ANO3: variants seen among roughly 807,000 people sequenced by gnomAD.
The protein encoded by ANO3 is anoctamin 3, also known as anoctamin-3.
ANO3 carries 99 observed loss-of-function variants against 144.8 expected under a neutral mutation model. That is an observed-to-expected ratio of 0.68 (90% CI 0.58 to 0.81). ANO3 has a LOEUF of 0.81. Among genes scored for constraint, ANO3 ranks in the 30% least tolerant of loss-of-function variants. The pLI is 0.00. For synonymous variants in ANO3, 414 were observed against 392.6 expected, an observed-to-expected ratio of 1.05 and a Z score of -0.64; for missense variants, 905 against 1,202.2, an observed-to-expected ratio of 0.75 and a Z score of 3.66.
intron 15 of ANO3, 113 bp downstream of exon 15, chr11:26,598,560 G>T: frequency 1.4e-6 from 1 of 714,794 alleles, no homozygotes; most frequent in Non-Finnish European, 2.3e-6. Context: ...TTTTTCCCTT[G>T]ATCTTTCCTA....
intron 1 of ANO3, among the ~76,000 whole-genome samples, chr11:26,294,445 T>G (rs1042723235): frequency 2.0e-5 from 3 of 151,212 alleles, no homozygotes; most frequent in Non-Finnish European, 4.4e-5. Flanking sequence ...ATGTTTATCA[T>G]GTATTACATG....
chr11:26,651,765 G>C (rs1223386019), intron 24 of ANO3, among the ~76,000 whole-genome samples: 1 of 152,014 alleles, frequency 6.6e-6, no homozygotes, highest in Non-Finnish European at 1.5e-5. Flanking sequence ...AAATGCAAAG[G>C]GGTTCTGAGG....
At chr11:26,634,924 A>T in intron 19 of ANO3, 89 bp from the exon 20 acceptor site, 1 of 1,029,366 alleles carries the variant, frequency 9.7e-7, no homozygotes, top group Non-Finnish European at 1.5e-6. Context: ...GTTTATGTCT[A>T]CCCACACATG....
chr11:26,204,109 G>T (rs1351263097), intron 1 of ANO3, among the ~76,000 whole-genome samples: 1 of 151,900 alleles, frequency 6.6e-6, no homozygotes, highest in African/African-American at 2.4e-5. Flanking sequence ...GTGTTTTCTG[G>T]AGACTTTCCC....
At position 26,280,991 on chromosome 11, in the gene ANO3, A is replaced by T. The variant is rs577527729; in HGVS notation, c.155-28654A>T. 1.1e-4 allele frequency among the ~76,000 whole-genome samples: 17 copies of T among 152,252 alleles called. No individual in the cohort carries two copies. In the East Asian group the frequency reaches 1.7e-3, roughly 16 times the overall value. On this transcript the variant is annotated intron_variant, in intron 1 of 27. Coordinates refer to the ANO3 transcript ENST00000672621. ...GCCAAAATCAGTAAGAACATGAATA[A>T]TATCTGTCTCTATCATTGTTTTATC...
At chr11:26,374,744 TTTTTG>T (rs983482704) in intron 1 of ANO3, among the ~76,000 whole-genome samples, 1 of 152,176 alleles carries the variant, frequency 6.6e-6, no homozygotes, top group Non-Finnish European at 1.5e-5. Flanking sequence ...GTGCACTTTC[TTTTTG>T]TTTTGTTTTG....
At chr11:26,332,914 C>A (rs1440093035) in intron 1 of ANO3, among the ~76,000 whole-genome samples, 1 of 152,072 alleles carries the variant, frequency 6.6e-6, no homozygotes, top group Non-Finnish European at 1.5e-5. Flanking sequence ...CGTATTATGT[C>A]TTTTAGTTTC....
intron 1 of ANO3, among the ~76,000 whole-genome samples, chr11:26,315,092 G>A (rs914150791): frequency 7.3e-6 from 1 of 136,688 alleles, no homozygotes; most frequent in Non-Finnish European, 1.7e-5. Flanking sequence ...TCTATATTAT[G>A]TATATTCTCA....
intron 1 of ANO3, among the ~76,000 whole-genome samples, chr11:26,437,401 A>G (rs1241292462): frequency 1.3e-5 from 2 of 152,170 alleles, no homozygotes; most frequent in African/African-American, 4.8e-5. Flanking sequence ...ATGAGAGAAG[A>G]GTGGGTCCCC....
intron 5 of ANO3, among the ~76,000 whole-genome samples, chr11:26,515,411 T>A (rs994084052): frequency 6.6e-6 from 1 of 151,938 alleles, no homozygotes; most frequent in Non-Finnish European, 1.5e-5. Context: ...AAAACTTTAA[T>A]CATGGAATGA....
chr11:26,510,622 G>T (rs974469339), intron 5 of ANO3, among the ~76,000 whole-genome samples: 1 of 152,008 alleles, frequency 6.6e-6, no homozygotes, highest in African/African-American at 2.4e-5. Context: ...ACATTATTTT[G>T]GCTAGCACTG....
chr11:26,336,993 T>G (rs2133894514), intron 1 of ANO3, among the ~76,000 whole-genome samples: 1 of 152,326 alleles, frequency 6.6e-6, no homozygotes, highest in East Asian at 1.9e-4. Context: ...GAGTCTAATC[T>G]AATTTAGAGC....
At chr11:26,517,062 C>G (rs1861890969) in intron 6 of ANO3, 135 bp downstream of exon 6, 3 of 470,248 alleles carry the variant, frequency 6.4e-6, no homozygotes, top group Non-Finnish European at 1.1e-5. Context: ...TTATTCTGGA[C>G]AGTTTTTTTT....
At chr11:26,442,860 G>A (rs1011824358) in intron 2 of ANO3, among the ~76,000 whole-genome samples, 9 of 152,180 alleles carry the variant, frequency 5.9e-5, no homozygotes, top group African/African-American at 1.2e-4. Flanking sequence ...TCTGCCTCCC[G>A]GGTTCAAGTG....
chr11:26,467,524 G>C (rs2201335), intron 4 of ANO3, among the ~76,000 whole-genome samples: 132,706 of 151,932 alleles, frequency 0.87, 58,590 homozygotes, highest in South Asian at 0.97. Context: ...TAAGTGAGAA[G>C]ATGAAAAGTC....
intron 17 of ANO3, among the ~76,000 whole-genome samples, chr11:26,600,394 CT>C (rs1217692896): frequency 6.8e-4 from 39 of 57,018 alleles, no homozygotes; most frequent in African/African-American, 1.5e-3. Context: ...CTCTCCTCTC[CT>C]CCCCACCTCC....
At chr11:26,242,658 T>C (rs766375402) in intron 1 of ANO3, among the ~76,000 whole-genome samples, 6 of 152,234 alleles carry the variant, frequency 3.9e-5, no homozygotes, top group South Asian at 2.1e-4. Flanking sequence ...TTGGGCTTCA[T>C]AGTCGAACAC....
chr11:26,344,234 CT>C (rs968971365), intron 1 of ANO3, among the ~76,000 whole-genome samples: 2 of 152,052 alleles, frequency 1.3e-5, no homozygotes, highest in African/African-American at 4.8e-5. Context: ...GAAATTACAT[CT>C]TTACTTTCAC....
intron 1 of ANO3, among the ~76,000 whole-genome samples, chr11:26,405,594 A>C (rs1410963026): frequency 6.6e-6 from 1 of 151,920 alleles, no homozygotes; most frequent in African/African-American, 2.4e-5. Flanking sequence ...AATGTCATGC[A>C]TAACTGATTA....
Sources: gnomAD v4.1 joint callset for allele counts (sites outside exome capture counted in the v4.1 genomes callset) on GRCh38, gnomAD v4.1.1 for gene constraint, MANE v1.5 for transcripts, NCBI Gene and HGNC (gene_info 2026-07-23, HGNC 2026-07-21) for gene names.